HADHB: variants seen among roughly 807,000 people sequenced by gnomAD.
HADHB encodes hydroxyacyl-CoA dehydrogenase trifunctional multienzyme complex subunit beta.
HADHB carries 50 observed loss-of-function variants against 61.9 expected under a neutral mutation model. The observed-to-expected ratio is 0.81, with a 90% CI of 0.64 to 1.02. The LOEUF is 1.02. Ranked by LOEUF, HADHB falls within the 50% of genes least tolerant of loss-of-function variation. HADHB has a pLI of 0.00. For missense variants in HADHB, 504 were observed against 586.5 expected, an observed-to-expected ratio of 0.86 and a Z score of 1.45; for synonymous variants, 191 against 201.6, an observed-to-expected ratio of 0.95 and a Z score of 0.45.
Position 26,278,749 on chromosome 2 carries a change from G to A in HADHB, c.578G>A (p.Gly193Asp), listed in dbSNP as rs776077327. The A allele has an allele frequency of 6.2e-7, 1 of 1,613,982 alleles. No homozygotes were observed. The highest frequency in any genetic ancestry group is 8.5e-7 in the Non-Finnish European group (1 of 1,179,998). The change falls in exon 8 of 16, where the codon GGC (glycine) becomes GAC (aspartate). Residue 193 changes from glycine (G) to aspartate (D), a missense_variant. Physicochemically the swap from Gly to Asp is moderately conservative, Grantham distance 94. Transcript: ENST00000317799. ...GATCTCAATAAGGCCAAATCTATGG[G>A]CCAGCGACTGTCTTTAATCTCTAAA... is the stretch of plus-strand genomic sequence containing the variant. ...MLDLNKAKSM[G>D]QRLSLISKFR...
At chr2:26,270,831 T>C (rs1466589460) in intron 5 of HADHB, among the ~76,000 whole-genome samples, 1 of 151,844 alleles carries the variant, frequency 6.6e-6, no homozygotes, top group Non-Finnish European at 1.5e-5. Context: ...GTAATATGCC[T>C]TTATGATTTT....
At chr2:26,246,686 C>T (rs996482813) in intron 1 of HADHB, among the ~76,000 whole-genome samples, 2 of 152,046 alleles carry the variant, frequency 1.3e-5, no homozygotes, top group African/African-American at 4.8e-5. Flanking sequence ...GCTAGAGGCC[C>T]GTGTGTTGTA....
chr2:26,276,121 A>G (rs1672525650), intron 6 of HADHB, among the ~76,000 whole-genome samples: 1 of 152,200 alleles, frequency 6.6e-6, no homozygotes, highest in Non-Finnish European at 1.5e-5. Flanking sequence ...CAAAAATGGA[A>G]TCAGACGTTG....
At chr2:26,282,591 C>G (rs1318692513) in intron 10 of HADHB, among the ~76,000 whole-genome samples, 1 of 152,088 alleles carries the variant, frequency 6.6e-6, no homozygotes, top group Non-Finnish European at 1.5e-5. Flanking sequence ...CTAAAGTTAC[C>G]TCTTCTGTTG....
rs747043520 is a variant in HADHB, at chr2:26,279,238, C to T, written c.734C>T (p.Ala245Val). The T allele has an allele frequency of 4.3e-6, 7 of 1,612,736 alleles. No individual in the cohort carries two copies. In the East Asian group the frequency reaches 1.3e-4, roughly 31 times the overall value. ...AVSRLEQDEY[A>V]LRSHSLAKKA... is the part of the protein sequence containing the mutation. ...TCTCGGCTGGAACAGGATGAATATG[C>T]ACTGCGCTCTCACAGTCTAGCCAAG... The change falls in exon 9 of 16, where the codon GCA (alanine) becomes GTA (valine). Residue 245 changes from alanine (A) to valine (V), a missense_variant. By Grantham distance (64) the Ala-to-Val change is moderately conservative (BLOSUM62 0). Coordinates refer to ENST00000317799, the MANE Select transcript of HADHB (RefSeq NM_000183.3).
At chr2:26,266,757 G>A (rs1337287726) in intron 4 of HADHB, among the ~76,000 whole-genome samples, 2 of 150,206 alleles carry the variant, frequency 1.3e-5, no homozygotes, top group South Asian at 2.1e-4. Context: ...GCGTGCACCT[G>A]TAATCCCAGC....
chr2:26,263,298 T>TAAA, intron 3 of HADHB, 82 bp from the exon 4 acceptor site: 181 of 701,320 alleles, frequency 2.6e-4, no homozygotes, highest in Middle Eastern at 4.4e-4. Flanking sequence ...GACTCCATCT[T>TAAA]AAAAAAAAAA....
chr2:26,267,437 A>G (rs1476113644), intron 4 of HADHB, among the ~76,000 whole-genome samples: 1 of 152,234 alleles, frequency 6.6e-6, no homozygotes, highest in Middle Eastern at 3.2e-3. Context: ...GCAATAAAAT[A>G]AATTGCAATA....
rs528872282 is a variant in HADHB at position 26,250,652 on chromosome 2, GT to G, written c.-8-3578del. ...AGTTTGAGACTAGCCTGTCTCTAAA[GT>G]TTTTTTTTTTTTTTTTAATTAGCCA... is the stretch of plus-strand genomic sequence containing the variant. On this transcript the variant is annotated intron_variant, in intron 1 of 15. Coordinates refer to ENST00000317799, the MANE Select transcript of HADHB (RefSeq NM_000183.3). Among the ~76,000 whole-genome samples the G allele has an allele frequency of 3.8e-3, 520 of 136,132 alleles. 2 individuals carry two copies. Among genetic ancestry groups the G allele is most frequent in the East Asian group, 0.015 (69 of 4,674 alleles). The allele number at this position is 136,132 out of a possible 152,430, so 89.3% of individuals were successfully genotyped here. A position where few individuals can be genotyped will look rare whatever the true frequency, so the allele number is the denominator to read the frequency against.
chr2:26,269,936 T>A lies in HADHB; in HGVS notation c.210-17T>A, dbSNP rs780190881. 1.2e-4 allele frequency: 196 copies of A among 1,586,978 alleles called. No homozygotes were observed. Among genetic ancestry groups the A allele is most frequent in the Non-Finnish European group, 1.6e-4 (187 of 1,155,288 alleles). Reference sequence around the variant, plus strand: ...GCTCTAGGGTTTTGGTTTAAATTACTGGTTTTCGTTCCCCAGATATAAAGA... The same window carrying A: ...GCTCTAGGGTTTTGGTTTAAATTACAGGTTTTCGTTCCCCAGATATAAAGA... On this transcript the variant is annotated splice_polypyrimidine_tract_variant and intron_variant, in intron 4 of 15. Coordinates refer to ENST00000317799, the MANE Select transcript of HADHB (RefSeq NM_000183.3).
chr2:26,284,283 A>G (rs1672925134), intron 13 of HADHB, 79 bp downstream of exon 13: 2 of 827,084 alleles, frequency 2.4e-6, no homozygotes, highest in Admixed American at 3.4e-5. Flanking sequence ...AGAGCAAGGC[A>G]TGGTTTATGA....
intron 4 of HADHB, among the ~76,000 whole-genome samples, chr2:26,264,989 C>CAAA (rs79294625): frequency 2.3e-4 from 23 of 100,108 alleles, no homozygotes; most frequent in Non-Finnish European, 4.1e-4. Context: ...GACCCTGTTT[C>CAAA]AAAAAAAAAA....
chr2:26,273,271 T>A (rs561715457), intron 5 of HADHB, among the ~76,000 whole-genome samples: 13 of 152,298 alleles, frequency 8.5e-5, no homozygotes, highest in South Asian at 2.1e-4. Flanking sequence ...TAATTTTTTT[T>A]AATAGTCTTA....
intron 5 of HADHB, among the ~76,000 whole-genome samples, chr2:26,272,029 A>G (rs1181054396): frequency 6.6e-6 from 1 of 152,146 alleles, no homozygotes; most frequent in Non-Finnish European, 1.5e-5. Context: ...AACTGGGACT[A>G]TAGGCGTAAG....
In HADHB at chr2:26,276,485, C is replaced by T. The variant is rs72851531; in HGVS notation, c.355-588C>T. 6.6e-3 allele frequency among the ~76,000 whole-genome samples: 1,012 copies of T among 152,224 alleles called. 9 individuals carry two copies. Among genetic ancestry groups the T allele is most frequent in the African/African-American group, 0.023 (940 of 41,526 alleles). On this transcript the variant is annotated intron_variant, in intron 6 of 15. Coordinates refer to ENST00000317799, the MANE Select transcript of HADHB (RefSeq NM_000183.3). Reference sequence around the variant, plus strand: ...GCAGTGTGCTATCTGAAGTATCAGACGGTCAGTAAGAGAAACCAGCTGGCA... The same window carrying T: ...GCAGTGTGCTATCTGAAGTATCAGATGGTCAGTAAGAGAAACCAGCTGGCA...
chr2:26,261,118 T>A (rs1574648534), intron 3 of HADHB: 1 of 874,396 alleles, frequency 1.1e-6, no homozygotes, highest in East Asian at 2.6e-5. Flanking sequence ...CTTAGGGATG[T>A]GTCTATGGCT....
intron 1 of HADHB, among the ~76,000 whole-genome samples, chr2:26,253,107 G>A (rs1671466144): frequency 6.6e-6 from 1 of 150,828 alleles, no homozygotes; most frequent in African/African-American, 2.4e-5. Context: ...TCTGTGGTCT[G>A]TTCATATTCT....
intron 14 of HADHB, 30 bp from the exon 15 acceptor site, chr2:26,285,377 T>C (rs748494016): frequency 2.5e-6 from 4 of 1,599,906 alleles, no homozygotes; most frequent in Admixed American, 3.4e-5. Flanking sequence ...AGTAAACTTA[T>C]CTTTACATTT....
intron 3 of HADHB, among the ~76,000 whole-genome samples, chr2:26,256,298 T>C (rs911446367): frequency 1.7e-4 from 26 of 152,216 alleles, no homozygotes; most frequent in Non-Finnish European, 5.9e-5. Flanking sequence ...TTTTTTTTGT[T>C]TTAACTGGCA....
Sources: gnomAD v4.1 joint callset for allele counts (sites outside exome capture counted in the v4.1 genomes callset) on GRCh38, gnomAD v4.1.1 for gene constraint, MANE v1.5 for transcripts, NCBI Gene and HGNC (gene_info 2026-07-23, HGNC 2026-07-21) for gene names.